Variants in SNPH observed in about 807,000 individuals in gnomAD.
SNPH encodes syntaphilin.
SNPH carries 10 observed loss-of-function variants against 36.8 expected under a neutral mutation model. The ratio of observed to expected loss-of-function variants is 0.27; its 90% CI spans 0.17 to 0.46. The LOEUF (loss-of-function observed/expected upper bound fraction) is 0.46, where lower values mean the gene tolerates loss of function less well. Among genes scored for constraint, SNPH ranks in the 20% least tolerant of loss-of-function variants. SNPH has a pLI of 1.00. For missense variants in SNPH, 622 were observed against 744.0 expected, an observed-to-expected ratio of 0.84 and a Z score of 1.91; for synonymous variants, 281 against 312.2, an observed-to-expected ratio of 0.90 and a Z score of 1.05.
rs747211228 is a variant in SNPH at position 1,266,701 on chromosome 20, G to A, written c.-552G>A. 9.7e-6 allele frequency: 14 copies of A among 1,444,808 alleles called. 3 individuals carry two copies. The South Asian group carries it at 2.0e-4, about 21-fold the overall frequency. 89.5% of individuals were successfully genotyped at this position (1,444,808 alleles called of 1,614,324 possible). A position where few individuals can be genotyped will look rare whatever the true frequency, so the allele number is the denominator to read the frequency against. On this transcript the variant is annotated 5_prime_UTR_variant, in exon 2 of 7. Coordinates refer to ENST00000381867, the MANE Select transcript of SNPH (RefSeq NM_001318234.2). This position sits in a 1 kb window ranked among gnomAD's most constrained non-coding sequence, Gnocchi z 6.0. ...CTGCAGCAGCGACTGCAGAGGCGCT[G>A]CGCCAAGCCGGGCCGGAGTGGTGCG...
intron 6 of SNPH, among the ~76,000 whole-genome samples, chr20:1,301,398 C>G (rs1014220793): frequency 6.6e-6 from 1 of 152,156 alleles, no homozygotes; most frequent in Non-Finnish European, 1.5e-5. Context: ...CTATCCTTCT[C>G]GGGACTGTGT....
intron 2 of SNPH, among the ~76,000 whole-genome samples, chr20:1,293,290 C>T (rs1047285709): frequency 1.3e-5 from 2 of 152,204 alleles, no homozygotes; most frequent in African/African-American, 4.8e-5. Flanking sequence ...GGAGTGGATG[C>T]AGCAGGGTTG....
Position 1,306,264 on chromosome 20 carries a change from A to C in SNPH, c.*210A>C. ...CTTCGATGGAGAGCAGGGAAGGGGG[A>C]CCCAAGGCAGGAGGTACACCAGCTG... On this transcript the variant is annotated 3_prime_UTR_variant, in exon 7 of 7. Transcript: ENST00000381867. 1 of 456,262 alleles carries C rather than the reference A, an allele frequency of 2.2e-6. No individual in the cohort carries two copies. Among genetic ancestry groups the C allele is most frequent in the Non-Finnish European group, 3.7e-6 (1 of 271,648 alleles). 28.3% of individuals were successfully genotyped at this position (456,262 alleles called of 1,614,324 possible).
intron 2 of SNPH, among the ~76,000 whole-genome samples, chr20:1,284,338 C>A (rs1008329510): frequency 3.3e-5 from 5 of 152,316 alleles, no homozygotes; most frequent in Admixed American, 2.6e-4. Flanking sequence ...TCAGTGCACA[C>A]CCCCTTATTC....
chr20:1,287,892 C>T (rs997579625), intron 2 of SNPH, among the ~76,000 whole-genome samples: 2 of 152,170 alleles, frequency 1.3e-5, no homozygotes, highest in African/African-American at 4.8e-5. Flanking sequence ...TGCTGAAGGG[C>T]CTCCATCTGC....
At chr20:1,267,067 G>A (rs2088015384) in intron 2 of SNPH, among the ~76,000 whole-genome samples, 1 of 151,956 alleles carries the variant, frequency 6.6e-6, no homozygotes, top group Non-Finnish European at 1.5e-5. Context: ...TCTGGCATTT[G>A]GCAAACATTT....
intron 2 of SNPH, among the ~76,000 whole-genome samples, chr20:1,279,206 T>C (rs2088186685): frequency 6.6e-6 from 1 of 152,226 alleles, no homozygotes; most frequent in Admixed American, 6.5e-5. Flanking sequence ...TTTCAGTTCC[T>C]CTACATCCTC....
chr20:1,303,170 G>T (rs990435143), intron 6 of SNPH, among the ~76,000 whole-genome samples: 1 of 152,212 alleles, frequency 6.6e-6, no homozygotes, highest in African/African-American at 2.4e-5. Context: ...TCCTGCAGTG[G>T]CCCACCTTCT....
chr20:1,296,932 G>T (rs573982952), intron 4 of SNPH: 12 of 523,670 alleles, frequency 2.3e-5, no homozygotes, highest in Non-Finnish European at 2.7e-5. Context: ...TCCCTGGGGA[G>T]CCAGGAGGAC....
At chr20:1,293,706 T>C (rs1391353851) in intron 2 of SNPH, among the ~76,000 whole-genome samples, 1 of 152,198 alleles carries the variant, frequency 6.6e-6, no homozygotes, top group Non-Finnish European at 1.5e-5. Flanking sequence ...CCTTTGTCCC[T>C]AATGAATACC....
At chr20:1,278,031 TCTGTGTATGTGTGC>T (rs1345034403) in intron 2 of SNPH, among the ~76,000 whole-genome samples, 4 of 138,034 alleles carry the variant, frequency 2.9e-5, no homozygotes, top group African/African-American at 1.1e-4. Flanking sequence ...TGTATGTGTG[TCTGTGTATGTGTGC>T]CTGTGTGTGT....
chr20:1,297,557 C>T (rs908425970), intron 5 of SNPH, among the ~76,000 whole-genome samples: 1 of 152,226 alleles, frequency 6.6e-6, no homozygotes, highest in Non-Finnish European at 1.5e-5. Context: ...TGTGTCTTCT[C>T]CCGCTGCTCC....
In SNPH at chr20:1,304,822, C is replaced by A. The variant is rs1034831176; in HGVS notation, c.441-56C>A. On this transcript the variant is annotated intron_variant, in intron 6 of 6. Coordinates refer to ENST00000381867, the MANE Select transcript of SNPH (RefSeq NM_001318234.2). The surrounding 1 kb of genome is among the most constrained non-coding windows in gnomAD (Gnocchi z 4.3). ...GTGTCCTCTCCCTGCCTCTCCTTGG[C>A]GGTGACAGACCAGGCAGGCAGGCAG... is the stretch of plus-strand genomic sequence containing the variant. The A allele has an allele frequency of 1.3e-6, 2 of 1,530,574 alleles. No homozygotes were observed. The allele number at this position is 1,530,574 out of a possible 1,614,324, so 94.8% of individuals were successfully genotyped here.
chr20:1,293,650 AC>A (rs1280638800), intron 2 of SNPH, among the ~76,000 whole-genome samples: 1 of 152,108 alleles, frequency 6.6e-6, no homozygotes, highest in Non-Finnish European at 1.5e-5. Flanking sequence ...CCCATGAGGG[AC>A]CCTGCCTGCA....
chr20:1,293,144 C>A (rs1386090074), intron 2 of SNPH, among the ~76,000 whole-genome samples: 1 of 152,238 alleles, frequency 6.6e-6, no homozygotes, highest in Admixed American at 6.5e-5. Flanking sequence ...CCAAGGCATG[C>A]AGCTGAAGGG....
chr20:1,274,936 C>T (rs543686510), intron 2 of SNPH, among the ~76,000 whole-genome samples: 138 of 152,332 alleles, frequency 9.1e-4, no homozygotes, highest in Non-Finnish European at 1.8e-3. Flanking sequence ...GCCTCCCTTC[C>T]AGCCTCCCTT....
At chr20:1,279,792 C>A (rs1042181139) in intron 2 of SNPH, among the ~76,000 whole-genome samples, 2 of 152,110 alleles carry the variant, frequency 1.3e-5, no homozygotes, top group African/African-American at 4.8e-5. Flanking sequence ...TGTCAGAGCC[C>A]ACAAACAGCT....
In SNPH at chr20:1,266,323, C is replaced by G. The variant is rs1222302551; in HGVS notation, c.-674C>G. On this transcript the variant is annotated 5_prime_UTR_variant, in exon 1 of 7. Coordinates refer to ENST00000381867, the MANE Select transcript of SNPH (RefSeq NM_001318234.2). This position sits in a 1 kb window ranked among gnomAD's most constrained non-coding sequence, Gnocchi z 6.0. Reference sequence around the variant, plus strand: ...CCAGCCCCGGCGAGCACCCAGCTAGCCGCCTCCTGCAGGGGCTCGGGAGAG... The same window carrying G: ...CCAGCCCCGGCGAGCACCCAGCTAGGCGCCTCCTGCAGGGGCTCGGGAGAG... 1.9e-5 allele frequency: 4 copies of G among 215,086 alleles called. No individual in the cohort carries two copies. Among genetic ancestry groups the G allele is most frequent in the Non-Finnish European group, 2.7e-5 (3 of 109,836 alleles). The allele number at this position is 215,086 out of a possible 1,614,324, so 13.3% of individuals were successfully genotyped here. A position where few individuals can be genotyped will look rare whatever the true frequency, so the allele number is the denominator to read the frequency against.
At chr20:1,277,373 C>T (rs1308820147) in intron 2 of SNPH, among the ~76,000 whole-genome samples, 1 of 151,622 alleles carries the variant, frequency 6.6e-6, no homozygotes, top group East Asian at 1.9e-4. Context: ...GTGTATGTGC[C>T]TGTGTCTGTG....
Sources: allele counts gnomAD v4.1 joint callset (sites outside exome capture counted in the v4.1 genomes callset), GRCh38; gene constraint gnomAD v4.1.1; non-coding constraint Gnocchi (gnomAD v3.1); transcripts MANE v1.5; gene names NCBI Gene and HGNC (gene_info 2026-07-23, HGNC 2026-07-21).